The following TRIM17 variants were observed in gnomAD, a reference collection of about 807,000 sequenced individuals.
TRIM17 encodes the protein tripartite motif containing 17.
A neutral mutation model predicts 35.8 loss-of-function variants in TRIM17; 27 were observed. The observed-to-expected ratio is 0.75, with a 90% CI of 0.56 to 1.04. The LOEUF (loss-of-function observed/expected upper bound fraction) is 1.04, where lower values mean the gene tolerates loss of function less well. Ranked by LOEUF, TRIM17 falls within the 50% of genes least tolerant of loss-of-function variation. The pLI, the probability that TRIM17 is intolerant of heterozygous loss-of-function variation, is 0.00. For missense variants in TRIM17, 582 were observed against 612.8 expected, an observed-to-expected ratio of 0.95 and a Z score of 0.53; for synonymous variants, 246 against 252.6, an observed-to-expected ratio of 0.97 and a Z score of 0.25.
In TRIM17 at chr1:228,412,595, CAAAAAAAAAAAAAA is replaced by C. The variant is rs34002550; in HGVS notation, c.525+1188_525+1201del. On this transcript the variant is annotated intron_variant, in intron 3 of 6. Transcript: ENST00000366698. ...GGGCAATAGCAAGACCTTGTCTCTA[CAAAAAAAAAAAAAA>C]AAAAAAAAAAAAAAGCTGGTCTTGG... 1.0e-2 allele frequency among the ~76,000 whole-genome samples: 474 copies of C among 47,490 alleles called. 9 individuals carry two copies. The highest frequency in any genetic ancestry group is 0.076 in the Admixed American group (260 of 3,400). The allele number at this position is 47,490 out of a possible 152,430, so 31.2% of individuals were successfully genotyped here. A position where few individuals can be genotyped will look rare whatever the true frequency, so the allele number is the denominator to read the frequency against.
At position 228,409,232 on chromosome 1, in the gene TRIM17, T is replaced by C. The variant is rs772492142; in HGVS notation, c.823A>G (p.Thr275Ala). The C allele has an allele frequency of 1.2e-6, 2 of 1,613,974 alleles. No homozygotes were observed. The highest frequency in any genetic ancestry group is 2.2e-5 in the South Asian group (2 of 91,078). Residue 275 changes from threonine (T) to alanine (A), a missense_variant, in exon 6 of 7, where the codon ACC becomes GCC. Physicochemically the swap from Thr to Ala is moderately conservative, Grantham distance 58 (BLOSUM62 0). Coordinates refer to ENST00000366698, the MANE Select transcript of TRIM17 (RefSeq NM_016102.4). ...SVQCPEVAPP[T>A]RPRTVCRVPG... ...ACTCTGCACACAGTCCTGGGTCTGGTTGGGGGGGCAACCTCTGGGCACTGC... is the reference window on the plus strand; with the variant it reads ...ACTCTGCACACAGTCCTGGGTCTGGCTGGGGGGGCAACCTCTGGGCACTGC...
chr1:228,409,176 A>G lies in TRIM17; in HGVS notation c.879T>C (p.Phe293=). 6.2e-7 allele frequency: 1 copy of G among 1,613,958 alleles called. No homozygotes were observed. The highest frequency in any genetic ancestry group is 1.3e-5 in the African/African-American group (1 of 74,952). Residue 293 remains phenylalanine, a synonymous_variant, in exon 6 of 7, where the codon TTT becomes TTC. Coordinates refer to ENST00000366698, the MANE Select transcript of TRIM17 (RefSeq NM_016102.4). ...VPGQIEVLRG[F]LEDVVPDATS... ...TGGCCCTGGGTGCCCACTTACCTAG[A>G]AAGCCTCTTAGCACTTCAATCTGTC...
In TRIM17 at chr1:228,408,298, G is replaced by T. The variant is rs1176160471; in HGVS notation, c.1337C>A (p.Ala446Asp). Residue 446 changes from alanine (A) to aspartate (D), a missense_variant, in exon 7 of 7, where the codon GCC becomes GAC. Ala to Asp is a moderately radical substitution (Grantham distance 126, BLOSUM62 -2). Transcript: ENST00000366698. This position sits in a 1 kb window ranked among gnomAD's most constrained non-coding sequence, Gnocchi z 6.3. Reference sequence around the variant, plus strand: ...AGGCTGCAGGGGGCCTGGGAAGGTGGCCTGGGAGTAGGTGTGCAGGTGGGA... The same window carrying T: ...AGGCTGCAGGGGGCCTGGGAAGGTGTCCTGGGAGTAGGTGTGCAGGTGGGA... ...DGSHLHTYSQ[A>D]TFPGPLQPFF... 1 of 1,607,006 alleles carries T rather than the reference G, an allele frequency of 6.2e-7. No individual in the cohort carries two copies. Among genetic ancestry groups the T allele is most frequent in the South Asian group, 1.1e-5 (1 of 90,618 alleles).
At chr1:228,409,333 G>C in intron 5 of TRIM17, 56 bp downstream of exon 5, 1 of 1,607,234 alleles carries the variant, frequency 6.2e-7, no homozygotes, top group Non-Finnish European at 8.5e-7. Context: ...CAGTCTTATT[G>C]TCCCCCCCGC....
At position 228,409,272 on chromosome 1, in the gene TRIM17, C is replaced by T; in HGVS notation, c.783G>A (p.Lys261=). 1.2e-6 allele frequency: 2 copies of T among 1,613,502 alleles called. No homozygotes were observed. Among genetic ancestry groups the T allele is most frequent in the Non-Finnish European group, 1.7e-6 (2 of 1,179,614 alleles). Residue 261 remains lysine (K), a synonymous_variant, in exon 6 of 7, where the codon AAG becomes AAA. Coordinates refer to ENST00000366698, the MANE Select transcript of TRIM17 (RefSeq NM_016102.4). ...LQDMKEPLSR[K]NNVSVQCPEV... is the part of the protein sequence containing the mutation. ...CTGGGCACTGCACACTCACGTTGTT[C>T]TTCCTCCGGTGGGCACACACAGGGG...
chr1:228,411,960 C>A lies in TRIM17; in HGVS notation c.526-784G>T, dbSNP rs1261199142. On this transcript the variant is annotated intron_variant, in intron 3 of 6. Transcript: ENST00000366698. The surrounding 1 kb of genome is among the most constrained non-coding windows in gnomAD (Gnocchi z 4.2). ...CTGCGCTGGGTCCTAGAAGACCAGA[C>A]CCAACCAGAATGGAGTCACTGGTGC... Among the ~76,000 whole-genome samples the A allele has an allele frequency of 6.6e-6, 1 of 152,200 alleles. No homozygotes were observed. The highest frequency in any genetic ancestry group is 1.5e-5 in the Non-Finnish European group (1 of 68,040).
intron 2 of TRIM17, 43 bp from the exon 3 acceptor site, chr1:228,413,935 C>T (rs1392322941): frequency 6.6e-7 from 1 of 1,518,028 alleles, no homozygotes; most frequent in East Asian, 2.2e-5. Flanking sequence ...CAGCGATCCC[C>T]CTACCTCCTG....
At position 228,412,586 on chromosome 1, in the gene TRIM17, T is replaced by C. The variant is rs184629964; in HGVS notation, c.525+1211A>G. On this transcript the variant is annotated intron_variant, in intron 3 of 6. Coordinates refer to ENST00000366698, the MANE Select transcript of TRIM17 (RefSeq NM_016102.4). ...GGCCAGCCTGGGCAATAGCAAGACCTTGTCTCTACAAAAAAAAAAAAAAAA... is the reference window on the plus strand; with the variant it reads ...GGCCAGCCTGGGCAATAGCAAGACCCTGTCTCTACAAAAAAAAAAAAAAAA... Among the ~76,000 whole-genome samples the C allele has an allele frequency of 5.6e-3, 609 of 108,470 alleles. 3 individuals carry two copies. The highest frequency in any genetic ancestry group is 0.022 in the African/African-American group (581 of 26,920). 71.2% of individuals were successfully genotyped at this position (108,470 alleles called of 152,430 possible).
At position 228,408,791 on chromosome 1, in the gene TRIM17, T is replaced by C. The variant is rs775593688; in HGVS notation, c.884-40A>G. On this transcript the variant is annotated intron_variant, in intron 6 of 6. Transcript: ENST00000366698. This position sits in a 1 kb window ranked among gnomAD's most constrained non-coding sequence, Gnocchi z 6.3. ...GGTGGTGGAGAGATGGGGAGAGGTG[T>C]GGGGCATTCAGGGTCAAAGGTGGGA... 5.7e-6 allele frequency: 9 copies of C among 1,574,294 alleles called. No individual in the cohort carries two copies. The highest frequency in any genetic ancestry group is 2.7e-5 in the African/African-American group (2 of 74,470).
In TRIM17 at chr1:228,414,806, C is replaced by G; in HGVS notation, c.267G>C (p.Gln89His). The G allele has an allele frequency of 1.9e-6, 3 of 1,613,404 alleles. No homozygotes were observed. Among genetic ancestry groups the G allele is most frequent in the Non-Finnish European group, 2.5e-6 (3 of 1,180,042 alleles). ...LLTKVAEMAQ[Q>H]HPGLQKQDLC... ...GGTCTTGCTTCTGCAGACCAGGATG[C>G]TGCTGCGCCATCTCGGCCACCTTGG... Residue 89 changes from glutamine (Q) to histidine (H), a missense_variant, in exon 2 of 7, where the codon CAG becomes CAC. Gln to His is a conservative substitution (Grantham distance 24). Coordinates refer to ENST00000366698, the MANE Select transcript of TRIM17 (RefSeq NM_016102.4).
At chr1:228,416,148 G>C in intron 1 of TRIM17, 1 of 168,290 alleles carries the variant, frequency 5.9e-6, no homozygotes. Flanking sequence ...CCTAAAGCGA[G>C]GGCGTCTAGG....
rs1363802190 is a variant in TRIM17 at position 228,410,968 on chromosome 1, T to C, written c.734A>G (p.Gln245Arg). Residue 245 changes from glutamine (Q) to arginine (R), a missense_variant, in exon 4 of 7, where the codon CAG becomes CGG. Coordinates refer to ENST00000366698, the MANE Select transcript of TRIM17 (RefSeq NM_016102.4). This position sits in a 1 kb window ranked among gnomAD's most constrained non-coding sequence, Gnocchi z 4.6. ...CACCTGCAGCATCTGGAGGGGCCCC[T>C]GTGTGCTCCGCTCCTCCAGCTGCAG... ...LLLQLEERST[Q>R]GPLQMLQDMK... is the part of the protein sequence containing the mutation. The C allele has an allele frequency of 6.3e-7, 1 of 1,590,230 alleles. No homozygotes were observed. Among genetic ancestry groups the C allele is most frequent in the Non-Finnish European group, 8.6e-7 (1 of 1,168,916 alleles).
chr1:228,416,315 TG>T (rs1657121289), intron 1 of TRIM17: 1 of 983,908 alleles, frequency 1.0e-6, no homozygotes, highest in Non-Finnish European at 1.2e-6. Context: ...GCAGCGGGCC[TG>T]GGGCTCTGGC....
Position 228,408,434 on chromosome 1 carries a change from A to G in TRIM17, c.1201T>C (p.Ser401Pro), listed in dbSNP as rs142387185. The change falls in exon 7 of 7, where the codon TCC (serine) becomes CCC (proline). Residue 401 changes from serine (S) to proline (P), a missense_variant. Coordinates refer to ENST00000366698, the MANE Select transcript of TRIM17 (RefSeq NM_016102.4). This position sits in a 1 kb window ranked among gnomAD's most constrained non-coding sequence, Gnocchi z 6.3. ...VQLSKGTKYL[S>P]TFSALTPVML... ...ACCGGGGTTAGGGCAGAGAAGGTGG[A>G]TAAGTACTTGGTCCCCTTGGACAGC... The G allele has an allele frequency of 2.2e-5, 36 of 1,614,036 alleles. No homozygotes were observed. The African/African-American group carries it at 4.3e-4, about 19-fold the overall frequency.
chr1:228,409,181 C>T lies in TRIM17; in HGVS notation c.874G>A (p.Gly292Ser). The T allele has an allele frequency of 6.2e-7, 1 of 1,614,020 alleles. No individual in the cohort carries two copies. Among genetic ancestry groups the T allele is most frequent in the Non-Finnish European group, 8.5e-7 (1 of 1,179,984 alleles). ...RVPGQIEVLR[G>S]FLEDVVPDAT... ...CTGGGTGCCCACTTACCTAGAAAGC[C>T]TCTTAGCACTTCAATCTGTCCGGGA... Residue 292 changes from glycine to serine, a missense_variant, in exon 6 of 7, where the codon GGC becomes AGC. By Grantham distance (56) the Gly-to-Ser change is moderately conservative. Transcript: ENST00000366698.
rs1451668273 is a variant in TRIM17, at chr1:228,408,078, C to T, written c.*123G>A. ...CAATTATATTTAGAATTTGAGAAACCCCCCTGTGTGTCTAATGGCTGCCAG... is the reference window on the plus strand; with the variant it reads ...CAATTATATTTAGAATTTGAGAAACTCCCCTGTGTGTCTAATGGCTGCCAG... On this transcript the variant is annotated 3_prime_UTR_variant, in exon 7 of 7. Transcript: ENST00000366698. This position sits in a 1 kb window ranked among gnomAD's most constrained non-coding sequence, Gnocchi z 6.3. 15 of 863,714 alleles carry T rather than the reference C, an allele frequency of 1.7e-5. No homozygotes were observed. The highest frequency in any genetic ancestry group is 2.6e-5 in the Admixed American group (1 of 38,426). The allele number at this position is 863,714 out of a possible 1,614,324, so 53.5% of individuals were successfully genotyped here.
In TRIM17 at chr1:228,408,084, G is replaced by T. The variant is rs1656535089; in HGVS notation, c.*117C>A. The T allele has an allele frequency of 1.1e-6, 1 of 929,580 alleles. No individual in the cohort carries two copies. The allele number at this position is 929,580 out of a possible 1,614,324, so 57.6% of individuals were successfully genotyped here. ...TATTTAGAATTTGAGAAACCCCCCT[G>T]TGTGTCTAATGGCTGCCAGCGTGAT... On this transcript the variant is annotated 3_prime_UTR_variant, in exon 7 of 7. Transcript: ENST00000366698. The surrounding 1 kb of genome is among the most constrained non-coding windows in gnomAD (Gnocchi z 6.3).
rs199561354 is a variant in TRIM17, at chr1:228,409,131, A to C, written c.883+41T>G. The C allele has an allele frequency of 4.3e-6, 7 of 1,614,018 alleles. No homozygotes were observed. The East Asian group carries it at 1.6e-4, about 36-fold the overall frequency. On this transcript the variant is annotated intron_variant, in intron 6 of 6. Coordinates refer to ENST00000366698, the MANE Select transcript of TRIM17 (RefSeq NM_016102.4). ...GGGGGTACAGTGGGGCATCGCCAAG[A>C]GATCCTGGGTCAGAGGTCCTGGCCC...
rs747812151 is a variant in TRIM17, at chr1:228,413,753, T to C, written c.525+44A>G. 11 of 1,499,958 alleles carry C rather than the reference T, an allele frequency of 7.3e-6. No homozygotes were observed. In the South Asian group the frequency reaches 1.1e-4, roughly 15 times the overall value. 92.9% of individuals were successfully genotyped at this position (1,499,958 alleles called of 1,614,324 possible). On this transcript the variant is annotated intron_variant, in intron 3 of 6. Coordinates refer to ENST00000366698, the MANE Select transcript of TRIM17 (RefSeq NM_016102.4). ...ACACAGACGTGGAAATGCAGGAAGA[T>C]GGAGCAGCAGCAGGAAAGGGACTGG...
Sources: gnomAD v4.1 joint callset for allele counts (sites outside exome capture counted in the v4.1 genomes callset) on GRCh38, gnomAD v4.1.1 for gene constraint, Gnocchi (gnomAD v3.1) non-coding constraint, MANE v1.5 for transcripts, NCBI Gene and HGNC (gene_info 2026-07-23, HGNC 2026-07-21) for gene names.